WDR49: variants seen among roughly 807,000 people sequenced by gnomAD.
WDR49 encodes WD repeat domain 49, also known as cilia- and flagella-associated protein 337.
Under a neutral mutation model 119.5 loss-of-function variants are expected in WDR49, and 107 were observed. That is an observed-to-expected ratio of 0.90 (90% confidence interval 0.77 to 1.05). The LOEUF is 1.05. WDR49 is among the 50% of genes least tolerant of loss of function. The probability of loss-of-function intolerance (pLI) is 0.00; values close to 1 mark genes in which losing one functional copy is unlikely to be tolerated. For missense variants in WDR49, 1,240 were observed against 1,220.5 expected (o/e 1.02, Z -0.24); for synonymous variants, 425 against 418.8 (o/e 1.01, Z -0.18).
At chr3:167,555,124 G>A (rs1712848099) in intron 9 of WDR49, among the ~76,000 whole-genome samples, 1 of 152,088 alleles carries the variant, frequency 6.6e-6, no homozygotes, top group African/African-American at 2.4e-5. Context: ...ATAATTAGAA[G>A]GTGGAAATTT....
intron 11 of WDR49, among the ~76,000 whole-genome samples, chr3:167,535,614 A>C (rs1752993784): frequency 6.6e-6 from 1 of 152,146 alleles, no homozygotes; most frequent in Non-Finnish European, 1.5e-5. Flanking sequence ...TGGTGAAGAT[A>C]TGGGGCAGAG....
chr3:167,494,825 C>T (rs1189001290), intron 18 of WDR49, among the ~76,000 whole-genome samples: 1 of 152,134 alleles, frequency 6.6e-6, no homozygotes, highest in Non-Finnish European at 1.5e-5. Flanking sequence ...GTGGATTGGA[C>T]TGAAAATGCA....
chr3:167,604,342 C>T lies in WDR49; in HGVS notation c.1085G>A (p.Gly362Asp), dbSNP rs145429454. The change falls in exon 6 of 19, where the codon GGC (glycine) becomes GAC (aspartate). Residue 362 changes from glycine to aspartate, a missense_variant. Transcript: ENST00000682715. ...LNMTSFNIAQ[G>D]IHAFDYHSRL... ...AGAGTGATAATCAAAAGCATGAATG[C>T]CCTGGGCAATGTTGAAGGATGTCAT... 1.1e-5 allele frequency: 18 copies of T among 1,613,694 alleles called. No individual in the cohort carries two copies. In the East Asian group the frequency reaches 2.9e-4, roughly 26 times the overall value.
At chr3:167,506,418 C>T (rs982400876) in intron 16 of WDR49, among the ~76,000 whole-genome samples, 2 of 152,120 alleles carry the variant, frequency 1.3e-5, no homozygotes, top group African/African-American at 4.8e-5. Flanking sequence ...TTTTCCTCCA[C>T]TCTATTTTTA....
At chr3:167,650,410 A>T (rs1309793315) in intron 2 of WDR49, among the ~76,000 whole-genome samples, 2 of 152,204 alleles carry the variant, frequency 1.3e-5, no homozygotes, top group Middle Eastern at 3.2e-3. Flanking sequence ...CTTCAGGCTG[A>T]TATATGGCTC....
intron 5 of WDR49, among the ~76,000 whole-genome samples, chr3:167,616,414 C>T (rs1417862067): frequency 1.3e-5 from 2 of 152,016 alleles, no homozygotes; most frequent in Admixed American, 6.6e-5. Context: ...ACTGTGAACC[C>T]TGAGAGAAGA....
chr3:167,563,267 G>A (rs58493973), intron 8 of WDR49, among the ~76,000 whole-genome samples: 1 of 150,786 alleles, frequency 6.6e-6, no homozygotes, highest in Admixed American at 6.6e-5. Flanking sequence ...GGCAGGAGAA[G>A]GGCGTGAACC....
At position 167,523,072 on chromosome 3, in the gene WDR49, C is replaced by A. The variant is rs1752510740; in HGVS notation, c.2605-588G>T. The stretch of plus-strand genomic sequence containing the variant: ...TCATCTTATATCAATACACTTCATG[C>A]ACACAGAATGTTCCAGAGAATGCAG... On this transcript the variant is annotated intron_variant, in intron 15 of 18. Transcript: ENST00000682715. 3.9e-5 allele frequency among the ~76,000 whole-genome samples: 6 copies of A among 152,186 alleles called. No individual in the cohort carries two copies. The South Asian group carries it at 1.2e-3, about 32-fold the overall frequency.
intron 10 of WDR49, among the ~76,000 whole-genome samples, chr3:167,544,955 AT>A (rs1468647098): frequency 6.6e-6 from 1 of 152,026 alleles, no homozygotes; most frequent in Non-Finnish European, 1.5e-5. Context: ...TCAACAAAGA[AT>A]TAATTTCCAG....
chr3:167,561,811 A>T (rs912595367), intron 8 of WDR49, among the ~76,000 whole-genome samples: 34 of 152,284 alleles, frequency 2.2e-4, no homozygotes, highest in African/African-American at 7.9e-4. Flanking sequence ...TAATCAGCTA[A>T]TAATGTCCCC....
intron 2 of WDR49, among the ~76,000 whole-genome samples, chr3:167,635,612 A>G (rs1472483226): frequency 6.6e-6 from 1 of 151,716 alleles, no homozygotes; most frequent in African/African-American, 2.4e-5. Flanking sequence ...GTCCCAGTTT[A>G]ACACTACTGA....
At position 167,522,363 on chromosome 3, in the gene WDR49, G is replaced by A; in HGVS notation, c.2726C>T (p.Thr909Ile). Reference protein sequence around the residue: ...FSKEESCLDPTEHSLLNKKNK... With the variant: ...FSKEESCLDPIEHSLLNKKNK... ...TTTCTTATTAAGTAGAGAATGTTCT[G>A]TTGGGTCTAAACAAGATTCCTCCTT... The change falls in exon 16 of 19, where the codon ACA becomes ATA. Residue 909 changes from threonine to isoleucine, a missense_variant. By Grantham distance (89) the Thr-to-Ile change is moderately conservative. Transcript: ENST00000682715. 6.2e-7 allele frequency: 1 copy of A among 1,605,088 alleles called. No homozygotes were observed. The highest frequency in any genetic ancestry group is 1.7e-5 in the Admixed American group (1 of 57,590).
At chr3:167,613,933 CTG>C (rs1716471660) in intron 5 of WDR49, among the ~76,000 whole-genome samples, 1 of 132,824 alleles carries the variant, frequency 7.5e-6, no homozygotes, top group Non-Finnish European at 1.6e-5. Context: ...GAGCAAGACT[CTG>C]TCTCAAAAAA....
At position 167,618,199 on chromosome 3, in the gene WDR49, G is replaced by A. The variant is rs1228806340; in HGVS notation, c.958+2230C>T. ...TAAAGCTTTTTCTTATGGCTTTTCA[G>A]GCTTAAGAACTACTCTAGGAGTCAA... On this transcript the variant is annotated intron_variant, in intron 5 of 18. Transcript: ENST00000682715. Among the ~76,000 whole-genome samples the A allele has an allele frequency of 2.6e-5, 4 of 151,878 alleles. No homozygotes were observed. In the South Asian group the frequency reaches 8.3e-4, roughly 32 times the overall value.
intron 7 of WDR49, among the ~76,000 whole-genome samples, chr3:167,595,405 T>C (rs1715367418): frequency 1.3e-5 from 2 of 152,260 alleles, no homozygotes; most frequent in South Asian, 2.1e-4. Context: ...GAGCCCGCAT[T>C]GCCAAGTCAG....
intron 7 of WDR49, among the ~76,000 whole-genome samples, chr3:167,583,380 A>G (rs1714650029): frequency 6.6e-6 from 1 of 152,100 alleles, no homozygotes; most frequent in Non-Finnish European, 1.5e-5. Context: ...TTCCTGCTTC[A>G]AAGAAATACA....
chr3:167,505,524 A>G lies in WDR49; in HGVS notation c.2775-108T>C. 2.3e-6 allele frequency: 3 copies of G among 1,327,464 alleles called. No individual in the cohort carries two copies. The South Asian group carries it at 5.1e-5, about 22-fold the overall frequency. 82.2% of individuals were successfully genotyped at this position (1,327,464 alleles called of 1,614,324 possible). A position where few individuals can be genotyped will look rare whatever the true frequency, so the allele number is the denominator to read the frequency against. On this transcript the variant is annotated intron_variant, in intron 16 of 18. Transcript: ENST00000682715. ...AAAAAAAACAAAAACAAAAACAAAA[A>G]ATCTATTCCTGTGAACCGAAGTAGT...
At position 167,561,148 on chromosome 3, in the gene WDR49, T is replaced by G. The variant is rs11919827; in HGVS notation, c.1510-920A>C. On this transcript the variant is annotated intron_variant, in intron 8 of 18. Transcript: ENST00000682715. ...AAATGTATTAACAATATGTTAAATTTAAATGCTGCTTTTCATAATCAAATG... is the reference window on the plus strand; with the variant it reads ...AAATGTATTAACAATATGTTAAATTGAAATGCTGCTTTTCATAATCAAATG... Among the ~76,000 whole-genome samples the G allele has an allele frequency of 5.1e-3, 784 of 152,342 alleles. 8 individuals are homozygous for G. The highest frequency in any genetic ancestry group is 0.018 in the African/African-American group (756 of 41,576).
intron 10 of WDR49, among the ~76,000 whole-genome samples, chr3:167,542,794 C>A (rs1166832160): frequency 6.6e-6 from 1 of 151,314 alleles, no homozygotes; most frequent in Non-Finnish European, 1.5e-5. Context: ...AGGATCACAG[C>A]AAAAATAAAT....
Sources: allele counts gnomAD v4.1 joint callset (sites outside exome capture counted in the v4.1 genomes callset), GRCh38; gene constraint gnomAD v4.1.1; transcripts MANE v1.5; gene names NCBI Gene and HGNC (gene_info 2026-07-23, HGNC 2026-07-21).